The following CREB1 variants were observed in gnomAD, a reference collection of about 807,000 sequenced individuals.
The protein encoded by CREB1 is cyclic AMP-responsive element-binding protein 1.
In CREB1, 2 loss-of-function variants were observed where a neutral mutation model predicts 42.0. The ratio of observed to expected loss-of-function variants is 0.05; its 90% CI spans 0.02 to 0.15. The LOEUF is 0.15. Ranked by LOEUF, CREB1 falls within the 10% of genes least tolerant of loss-of-function variation. The probability of loss-of-function intolerance (pLI) is 1.00; values close to 1 mark genes in which losing one functional copy is unlikely to be tolerated. For missense variants in CREB1, 199 were observed against 388.9 expected (o/e 0.51, Z 4.11); for synonymous variants, 123 against 139.9 (o/e 0.88, Z 0.85).
At position 207,599,435 on chromosome 2, in the gene CREB1, GGC is replaced by G. The variant is rs1222654107; in HGVS notation, c.*2378_*2379del. The stretch of plus-strand genomic sequence containing the variant: ...TCTAAAGCTTTTTTTCAAAAGTTCA[GGC>G]TTTCTACTTACTGGGAAGTTGGTGG... On this transcript the variant is annotated 3_prime_UTR_variant, in exon 8 of 8. Coordinates refer to ENST00000353267, the MANE Select transcript of CREB1 (RefSeq NM_004379.5). 1 of 199,726 alleles carries G rather than the reference GGC, an allele frequency of 5.0e-6. No individual in the cohort carries two copies. The highest frequency in any genetic ancestry group is 1.0e-5 in the Non-Finnish European group (1 of 96,860). The allele number at this position is 199,726 out of a possible 1,614,324, so 12.4% of individuals were successfully genotyped here.
chr2:207,588,135 A>ACTT (rs202225971), intron 7 of CREB1, among the ~76,000 whole-genome samples: 10 of 9,564 alleles, frequency 1.0e-3, no homozygotes, highest in African/African-American at 1.2e-3. Flanking sequence ...TATCACACAG[A>ACTT]CTTCGTTTTC....
intron 2 of CREB1, among the ~76,000 whole-genome samples, chr2:207,558,262 C>G (rs1248198825): frequency 6.6e-6 from 1 of 152,160 alleles, no homozygotes; most frequent in Non-Finnish European, 1.5e-5. Context: ...TCGCTGCCTG[C>G]TAAAATAAAC....
At position 207,588,387 on chromosome 2, in the gene CREB1, G is replaced by C. The variant is rs569380965; in HGVS notation, c.840-8527G>C. On this transcript the variant is annotated intron_variant, in intron 7 of 7. Transcript: ENST00000353267. ...TCTGTTTCTTGGATATCTTTCCATT[G>C]ATCTTTGTGTCTGTCCTTTAGCCAA... Among the ~76,000 whole-genome samples, 30 of 152,110 alleles carry C rather than the reference G, an allele frequency of 2.0e-4. 1 individual carries two copies. The South Asian group carries it at 5.8e-3, about 30-fold the overall frequency.
At chr2:207,588,572 T>C (rs2084321466) in intron 7 of CREB1, among the ~76,000 whole-genome samples, 1 of 152,218 alleles carries the variant, frequency 6.6e-6, no homozygotes, top group Admixed American at 6.5e-5. Flanking sequence ...GCTAGAATTT[T>C]AGTTAGGATT....
intron 2 of CREB1, 113 bp from the exon 3 acceptor site, chr2:207,560,113 C>T: frequency 1.1e-6 from 1 of 871,352 alleles, no homozygotes; most frequent in Non-Finnish European, 1.7e-6. Context: ...CAGTGAAATA[C>T]ATATCTAGCA....
rs2086777272 is a variant in CREB1 at position 207,600,114 on chromosome 2, G to A, written c.*3056G>A. 1 of 184,578 alleles carries A rather than the reference G, an allele frequency of 5.4e-6. No homozygotes were observed. The highest frequency in any genetic ancestry group is 1.1e-5 in the Non-Finnish European group (1 of 87,232). 11.4% of individuals were successfully genotyped at this position (184,578 alleles called of 1,614,324 possible). A position where few individuals can be genotyped will look rare whatever the true frequency, so the allele number is the denominator to read the frequency against. ...GTTCATTATTAAATAATTGCTATCA[G>A]ATACAATTTTAAGTTCATTCTTTTT... On this transcript the variant is annotated 3_prime_UTR_variant, in exon 8 of 8. Coordinates refer to ENST00000353267, the MANE Select transcript of CREB1 (RefSeq NM_004379.5).
At chr2:207,594,086 G>A (rs2085633286) in intron 7 of CREB1, among the ~76,000 whole-genome samples, 1 of 152,130 alleles carries the variant, frequency 6.6e-6, no homozygotes, top group Admixed American at 6.5e-5. Context: ...GGAAATTAAG[G>A]TTAAGTAATA....
At chr2:207,540,571 A>G (rs2081053266) in intron 1 of CREB1, among the ~76,000 whole-genome samples, 1 of 148,312 alleles carries the variant, frequency 6.7e-6, no homozygotes, top group Non-Finnish European at 1.5e-5. Context: ...AGAGGCAGAG[A>G]TTGCAGTGAG....
At chr2:207,577,714 G>A (rs769344585) in intron 7 of CREB1, 59 bp downstream of exon 7, 1 of 1,587,124 alleles carries the variant, frequency 6.3e-7, no homozygotes, top group Admixed American at 1.7e-5. Context: ...ACATTCTGCT[G>A]GATGTGTATC....
At chr2:207,549,875 CAGG>C (rs1395619960) in intron 1 of CREB1, among the ~76,000 whole-genome samples, 2 of 151,694 alleles carry the variant, frequency 1.3e-5, no homozygotes, top group African/African-American at 4.8e-5. Flanking sequence ...GAGGCTGAGG[CAGG>C]AGAACTGCTT....
At chr2:207,595,297 A>G (rs1022140794) in intron 7 of CREB1, among the ~76,000 whole-genome samples, 4 of 151,742 alleles carry the variant, frequency 2.6e-5, no homozygotes, top group African/African-American at 7.3e-5. Flanking sequence ...CCCAGCCTAT[A>G]TTGAGCATCT....
intron 2 of CREB1, among the ~76,000 whole-genome samples, chr2:207,557,418 C>T (rs1191760497): frequency 6.6e-6 from 1 of 152,176 alleles, no homozygotes; most frequent in Admixed American, 6.5e-5. Context: ...TGTGATGGCT[C>T]ACACCTATAA....
chr2:207,555,624 A>T lies in CREB1; in HGVS notation c.-8-4A>T. ...GCTTGTAACACTCTTCCATATTATT[A>T]TAGGTAACTAAATGACCATGGAATC... On this transcript the variant is annotated splice_region_variant and splice_polypyrimidine_tract_variant and intron_variant, in intron 1 of 7. Coordinates refer to ENST00000353267, the MANE Select transcript of CREB1 (RefSeq NM_004379.5). 1 of 1,561,564 alleles carries T rather than the reference A, an allele frequency of 6.4e-7. No individual in the cohort carries two copies. The highest frequency in any genetic ancestry group is 8.8e-7 in the Non-Finnish European group (1 of 1,133,474).
Position 207,570,233 on chromosome 2 carries a change from AGAG to A in CREB1, c.418_420del (p.Glu140del). 3.1e-6 allele frequency: 5 copies of A among 1,613,792 alleles called. No individual in the cohort carries two copies. Among genetic ancestry groups the A allele is most frequent in the Non-Finnish European group, 4.2e-6 (5 of 1,179,802 alleles). On this transcript the variant is annotated inframe_deletion, in exon 5 of 8. Transcript: ENST00000353267. ...CACCAGGAGTGCCAAGGATTGAAGA[AGAG>A]AAGTCTGAAGAGGAGACTTCAGCAC... is the stretch of plus-strand genomic sequence containing the variant.
chr2:207,542,169 T>C (rs2081123584), intron 1 of CREB1, among the ~76,000 whole-genome samples: 1 of 152,314 alleles, frequency 6.6e-6, no homozygotes, highest in East Asian at 1.9e-4. Flanking sequence ...TCTGAGTATA[T>C]ACTCAGGAAT....
At chr2:207,531,943 T>C (rs761903229) in intron 1 of CREB1, among the ~76,000 whole-genome samples, 1 of 152,238 alleles carries the variant, frequency 6.6e-6, no homozygotes, top group Non-Finnish European at 1.5e-5. Flanking sequence ...CTATAAAGAT[T>C]GGGGAAATGA....
chr2:207,565,852 A>G (rs1424918697), intron 3 of CREB1, among the ~76,000 whole-genome samples: 2 of 152,168 alleles, frequency 1.3e-5, no homozygotes, highest in African/African-American at 4.8e-5. Context: ...TCCTTTCCTC[A>G]GGCCTTTTCA....
chr2:207,567,951 AT>A (rs1295271161), intron 4 of CREB1: 2 of 153,662 alleles, frequency 1.3e-5, no homozygotes, highest in African/African-American at 4.8e-5. Flanking sequence ...ATAGCTATTA[AT>A]TTAATAATTG....
intron 3 of CREB1, among the ~76,000 whole-genome samples, chr2:207,566,096 T>C (rs1444673234): frequency 6.6e-6 from 1 of 152,120 alleles, no homozygotes; most frequent in East Asian, 1.9e-4. Context: ...CAGATTGTAC[T>C]TAGACTTTAA....
Sources: allele counts gnomAD v4.1 joint callset (sites outside exome capture counted in the v4.1 genomes callset), GRCh38; gene constraint gnomAD v4.1.1; transcripts MANE v1.5; gene names NCBI Gene and HGNC (gene_info 2026-07-23, HGNC 2026-07-21).